CDYL2: variants seen among roughly 807,000 people sequenced by gnomAD.
CDYL2 encodes the protein chromodomain Y like 2.
In CDYL2, 23 loss-of-function variants were observed where a neutral mutation model predicts 49.4. That is an observed-to-expected ratio of 0.47 (90% CI 0.34 to 0.66). CDYL2 has a LOEUF of 0.66. Ranked by LOEUF, CDYL2 falls within the 30% of genes least tolerant of loss-of-function variation. The probability of loss-of-function intolerance (pLI) is 0.01; values close to 1 mark genes in which losing one functional copy is unlikely to be tolerated. For missense variants in CDYL2, 678 were observed against 656.4 expected (o/e 1.03, Z -0.36); for synonymous variants, 360 against 268.8 (o/e 1.34, Z -3.32).
rs905057809 is a variant in CDYL2, at chr16:80,612,081, A to C, written c.1218+545T>G. ...GGCTGCGTCTCCCGGCCTCCCTTGC[A>C]GGCGCATGTGACCAGAAGCTGAGTC... On this transcript the variant is annotated intron_variant, in intron 5 of 6. Transcript: ENST00000570137. The surrounding 1 kb of genome is among the most constrained non-coding windows in gnomAD (Gnocchi z 5.0). Among the ~76,000 whole-genome samples, 1 of 152,192 alleles carries C rather than the reference A, an allele frequency of 6.6e-6. No homozygotes were observed. The highest frequency in any genetic ancestry group is 2.4e-5 in the African/African-American group (1 of 41,444).
chr16:80,739,612 C>G (rs1028941690), intron 1 of CDYL2, among the ~76,000 whole-genome samples: 12 of 152,134 alleles, frequency 7.9e-5, no homozygotes, highest in Non-Finnish European at 1.8e-4. Flanking sequence ...CCAGAGAGAC[C>G]CTAGCACTGC....
At chr16:80,787,462 C>CA (rs1484139609) in intron 1 of CDYL2, among the ~76,000 whole-genome samples, 1 of 152,188 alleles carries the variant, frequency 6.6e-6, no homozygotes, top group African/African-American at 2.4e-5. Context: ...AGGATACATA[C>CA]ACTGGGTGAG....
intron 1 of CDYL2, among the ~76,000 whole-genome samples, chr16:80,702,595 T>C (rs1032451203): frequency 6.6e-6 from 1 of 151,900 alleles, no homozygotes; most frequent in Non-Finnish European, 1.5e-5. Context: ...ACAAAAAATT[T>C]AAAAATTAGC....
At chr16:80,753,746 C>T (rs1906216006) in intron 1 of CDYL2, among the ~76,000 whole-genome samples, 1 of 152,088 alleles carries the variant, frequency 6.6e-6, no homozygotes, top group Non-Finnish European at 1.5e-5. Context: ...AACCAGGACT[C>T]CAAAAAGTAC....
At position 80,641,640 on chromosome 16, in the gene CDYL2, C is replaced by T. The variant is rs926551443; in HGVS notation, c.617-8404G>A. 6.0e-5 allele frequency among the ~76,000 whole-genome samples: 9 copies of T among 151,196 alleles called. No homozygotes were observed. The South Asian group carries it at 6.3e-4, about 11-fold the overall frequency. Reference sequence around the variant, plus strand: ...GAAACCATCATTCTCAGCAAACTACCGCAAGGACAAAAAACCAAACACTGC... The same window carrying T: ...GAAACCATCATTCTCAGCAAACTACTGCAAGGACAAAAAACCAAACACTGC... On this transcript the variant is annotated intron_variant, in intron 2 of 6. Transcript: ENST00000570137.
chr16:80,745,115 G>A (rs1200925255), intron 1 of CDYL2, among the ~76,000 whole-genome samples: 2 of 152,168 alleles, frequency 1.3e-5, no homozygotes, highest in Admixed American at 6.5e-5. Flanking sequence ...CCCCCACGCT[G>A]GGGGCAGGTG....
Position 80,631,894 on chromosome 16 carries a change from G to A in CDYL2, c.834+1125C>T, listed in dbSNP as rs149700382. Among the ~76,000 whole-genome samples, 771 of 152,284 alleles carry A rather than the reference G, an allele frequency of 5.1e-3. 3 individuals are homozygous for A. Among genetic ancestry groups the A allele is most frequent in the African/African-American group, 0.017 (726 of 41,558 alleles). On this transcript the variant is annotated intron_variant, in intron 3 of 6. Coordinates refer to ENST00000570137, the MANE Select transcript of CDYL2 (RefSeq NM_152342.4). Reference sequence around the variant, plus strand: ...AATAAAAAAGACAGACGTAACAAGTGTTATCGAGGATACAGAGAACCTAGA... The same window carrying A: ...AATAAAAAAGACAGACGTAACAAGTATTATCGAGGATACAGAGAACCTAGA...
intron 1 of CDYL2, among the ~76,000 whole-genome samples, chr16:80,796,756 C>G (rs777732578): frequency 1.3e-5 from 2 of 152,186 alleles, no homozygotes; most frequent in African/African-American, 4.8e-5. Context: ...TTTCTTTTTA[C>G]TATCATGCCC....
chr16:80,765,328 G>C (rs1906683312), intron 1 of CDYL2, among the ~76,000 whole-genome samples: 1 of 151,500 alleles, frequency 6.6e-6, no homozygotes, highest in African/African-American at 2.4e-5. Flanking sequence ...AAGTTTAAAG[G>C]TTATGACAGA....
chr16:80,803,581 C>A (rs1322224049), intron 1 of CDYL2, among the ~76,000 whole-genome samples: 4 of 148,298 alleles, frequency 2.7e-5, no homozygotes, highest in Non-Finnish European at 6.0e-5. Context: ...CGGTTGTCCC[C>A]CCGAACCCCC....
intron 2 of CDYL2, among the ~76,000 whole-genome samples, chr16:80,670,371 C>T (rs1597161370): frequency 6.6e-6 from 1 of 152,100 alleles, no homozygotes; most frequent in Non-Finnish European, 1.5e-5. Flanking sequence ...GGGGCTTTCC[C>T]CCGGTTGCTC....
At chr16:80,703,977 G>A (rs1460762322) in intron 1 of CDYL2, among the ~76,000 whole-genome samples, 1 of 152,178 alleles carries the variant, frequency 6.6e-6, no homozygotes, top group African/African-American at 2.4e-5. Flanking sequence ...AGTACACACA[G>A]GCCAACAATT....
chr16:80,755,285 A>T (rs1396206386), intron 1 of CDYL2, among the ~76,000 whole-genome samples: 1 of 152,210 alleles, frequency 6.6e-6, no homozygotes, highest in African/African-American at 2.4e-5. Context: ...TTAATTACCA[A>T]GGAGTCTGGA....
At chr16:80,678,818 T>C (rs1452187500) in intron 2 of CDYL2, among the ~76,000 whole-genome samples, 1 of 151,268 alleles carries the variant, frequency 6.6e-6, no homozygotes, top group East Asian at 1.9e-4. Context: ...CACACGTATG[T>C]TTATTGCGGC....
chr16:80,608,367 T>G (rs577774106), intron 5 of CDYL2, 132 bp from the exon 6 acceptor site: 2 of 1,004,340 alleles, frequency 2.0e-6, no homozygotes, highest in African/African-American at 1.7e-5. Context: ...TTATCTTATT[T>G]TGGGGTCAGA....
intron 2 of CDYL2, among the ~76,000 whole-genome samples, chr16:80,655,095 G>T (rs1908747945): frequency 6.6e-6 from 1 of 152,210 alleles, no homozygotes; most frequent in Admixed American, 6.5e-5. Flanking sequence ...CAGAGCCTGG[G>T]GACATCCATC....
At chr16:80,689,994 G>A (rs889437545) in intron 1 of CDYL2, among the ~76,000 whole-genome samples, 2 of 151,954 alleles carry the variant, frequency 1.3e-5, no homozygotes, top group Non-Finnish European at 2.9e-5. Context: ...GGTGGCATAT[G>A]TCTGTAATCC....
chr16:80,610,076 T>G (rs1017069024), intron 5 of CDYL2, among the ~76,000 whole-genome samples: 2 of 152,116 alleles, frequency 1.3e-5, no homozygotes, highest in African/African-American at 4.8e-5. Flanking sequence ...AAAAATTTGC[T>G]ATTTTTGTAT....
At chr16:80,676,282 G>GA (rs1212891314) in intron 2 of CDYL2, among the ~76,000 whole-genome samples, 2 of 152,194 alleles carry the variant, frequency 1.3e-5, no homozygotes, top group Non-Finnish European at 2.9e-5. Flanking sequence ...TACTGACTTG[G>GA]AAAAATCATC....
Sources: gnomAD v4.1 joint callset for allele counts (sites outside exome capture counted in the v4.1 genomes callset) on GRCh38, gnomAD v4.1.1 for gene constraint, Gnocchi (gnomAD v3.1) non-coding constraint, MANE v1.5 for transcripts, NCBI Gene and HGNC (gene_info 2026-07-23, HGNC 2026-07-21) for gene names.